IGSF1: variants seen among roughly 807,000 people sequenced by gnomAD.
IGSF1 encodes immunoglobulin superfamily member 1, also known as immunoglobulin-like domain-containing protein 1.
A neutral mutation model predicts 95.3 loss-of-function variants in IGSF1; 40 were observed. The ratio of observed to expected loss-of-function variants is 0.42; its 90% CI spans 0.33 to 0.55. IGSF1 has a LOEUF of 0.55. Among genes scored for constraint, IGSF1 ranks in the 20% least tolerant of loss-of-function variants. IGSF1 has a pLI of 0.10. For missense variants in IGSF1, 906 were observed against 1,025.4 expected, an observed-to-expected ratio of 0.88 and a Z score of 1.59; for synonymous variants, 372 against 382.9, an observed-to-expected ratio of 0.97 and a Z score of 0.33.
At position 131,279,255 on chromosome X, in the gene IGSF1, C is replaced by A. The variant is rs775263912; in HGVS notation, c.1717+16G>T. The A allele has an allele frequency of 9.1e-6, 11 of 1,208,463 alleles. No homozygotes were observed. Among genetic ancestry groups the A allele is most frequent in the South Asian group, 1.8e-5 (1 of 56,752 alleles). On this transcript the variant is annotated intron_variant, in intron 10 of 19. Coordinates refer to ENST00000361420, the MANE Select transcript of IGSF1 (RefSeq NM_001555.5). ...CCGGCCTTCTGCCCGGGGCCCCTTC[C>A]CCCACTTGTACTCACCACAGCAGAG...
In IGSF1 at chrX:131,282,987, C is replaced by T; in HGVS notation, c.945G>A (p.Trp315Ter). ...GSLLSDVLKIWVTDTFPKTWL... is the reference protein window; with the variant it reads ...GSLLSDVLKI ...GGCATACCCGTCTCTTACCAGTCAC[C>T]CAGATTTTCAGGACATCACTAAGGA... is the stretch of plus-strand genomic sequence containing the variant. Residue 315 changes from tryptophan to a stop codon, truncating the protein, a stop_gained, in exon 6 of 20, where the codon TGG becomes TGA. Coordinates refer to ENST00000361420, the MANE Select transcript of IGSF1 (RefSeq NM_001555.5). LOFTEE classifies it high-confidence loss of function. 8.3e-7 allele frequency: 1 copy of T among 1,201,420 alleles called. No homozygotes were observed. Among genetic ancestry groups the T allele is most frequent in the Non-Finnish European group, 1.1e-6 (1 of 886,398 alleles).
rs369980317 is a variant in IGSF1, at chrX:131,286,064, A to G, written c.98-16T>C. The stretch of plus-strand genomic sequence containing the variant: ...GGGTCCATCACTGTTATTCCCAAAG[A>G]TCAAAAAGATATGAGCAGTCCAACC... On this transcript the variant is annotated splice_polypyrimidine_tract_variant and intron_variant, in intron 3 of 19. Transcript: ENST00000361420. The G allele has an allele frequency of 4.3e-6, 5 of 1,172,672 alleles. No homozygotes were observed. The highest frequency in any genetic ancestry group is 3.6e-5 in the African/African-American group (2 of 56,030).
rs2080463620 is a variant in IGSF1, at chrX:131,275,575, A to G, written c.3087T>C (p.Ser1029=). The change falls in exon 16 of 20, where the codon TCT becomes TCC. Residue 1029 remains serine (S), a synonymous_variant. Transcript: ENST00000361420. ...AGCTGTAACGCCCCATGCTAGTACC[A>G]GATATATTGGTGATGGGGAATGCCC... ...NDGAFPITNI[S]GTSMGRYSCC... is the part of the protein sequence containing the mutation. 2 of 1,210,702 alleles carry G rather than the reference A, an allele frequency of 1.7e-6. No homozygotes were observed. Among genetic ancestry groups the G allele is most frequent in the South Asian group, 3.5e-5 (2 of 56,948 alleles).
In IGSF1 at chrX:131,286,442, G is replaced by A. The variant is rs369648621; in HGVS notation, c.92C>T (p.Ser31Leu). ...AGAGGGCAGGACTCACTTACCTATT[G>A]ATGTCATACCCAGACTCATCCCTGA... ...FCIRMSLGMT[S>L]IVMDPQPELW... is the part of the protein sequence containing the mutation. The change falls in exon 3 of 20, where the codon TCA (serine) becomes TTA (leucine). Residue 31 changes from serine to leucine, a missense_variant. Coordinates refer to ENST00000361420, the MANE Select transcript of IGSF1 (RefSeq NM_001555.5). The A allele has an allele frequency of 1.2e-5, 14 of 1,198,336 alleles. No homozygotes were observed. The highest frequency in any genetic ancestry group is 7.0e-5 in the African/African-American group (4 of 56,762).
intron 7 of IGSF1, 150 bp downstream of exon 7, chrX:131,282,294 C>T: frequency 2.1e-6 from 1 of 467,278 alleles, no homozygotes; most frequent in South Asian, 3.6e-5. Context: ...GAAAGTTCTA[C>T]ACCACCTTCC....
At chrX:131,280,958 C>A (rs2080549912) in intron 9 of IGSF1, 2 of 268,257 alleles carry the variant, frequency 7.5e-6, no homozygotes, top group South Asian at 1.9e-4. Flanking sequence ...GATTTGGGCA[C>A]CCTCCGGGGG....
Position 131,286,646 on chromosome X carries a change from G to A in IGSF1, c.29C>T (p.Ala10Val), listed in dbSNP as rs753072958. Reference sequence around the variant, plus strand: ...AACAGTGAATGTCTTCAGCATGGTGGCCCCCTCCCCTGGTCTGTCCAGGGT... The same window carrying A: ...AACAGTGAATGTCTTCAGCATGGTGACCCCCTCCCCTGGTCTGTCCAGGGT... MTLDRPGEG[A>V]TMLKTFTVLL... Residue 10 changes from alanine to valine, a missense_variant, in exon 2 of 20, where the codon GCC (alanine) becomes GTC (valine). By Grantham distance (64) the Ala-to-Val change is moderately conservative. Transcript: ENST00000361420. The A allele has an allele frequency of 1.7e-6, 2 of 1,201,442 alleles. No individual in the cohort carries two copies. Among genetic ancestry groups the A allele is most frequent in the South Asian group, 1.8e-5 (1 of 54,966 alleles).
chrX:131,280,009 C>A (rs1265602458), intron 9 of IGSF1, among the ~76,000 whole-genome samples: 1 of 111,937 alleles, frequency 8.9e-6, no homozygotes, highest in Non-Finnish European at 1.9e-5. Context: ...ATCCATCGGA[C>A]AATTTTTACT....
At chrX:131,274,511 A>G in intron 18 of IGSF1, 88 bp downstream of exon 18, 1 of 999,765 alleles carries the variant, frequency 1.0e-6, no homozygotes, top group Non-Finnish European at 1.4e-6. Context: ...AAGCTCCTCC[A>G]TTCTCCTGAT....
chrX:131,277,917 G>A lies in IGSF1; in HGVS notation c.2259C>T (p.His753=), dbSNP rs1187283784. 13 of 1,209,017 alleles carry A rather than the reference G, an allele frequency of 1.1e-5. No individual in the cohort carries two copies. The highest frequency in any genetic ancestry group is 2.6e-4 in the Middle Eastern group (1 of 3,857). ...ACCACTTGAAGGGGCGTTTTTCAGT[G>A]TGAGTGCGGCAGCTGTAATTGCCTT... ...KDEGNYSCRT[H]TEKRPFKWSE... Residue 753 remains histidine (H), a synonymous_variant, in exon 13 of 20, where the codon CAC becomes CAT. Coordinates refer to ENST00000361420, the MANE Select transcript of IGSF1 (RefSeq NM_001555.5).
At chrX:131,286,178 G>A in intron 3 of IGSF1, 130 bp from the exon 4 acceptor site, 2 of 613,147 alleles carry the variant, frequency 3.3e-6, no homozygotes, top group Middle Eastern at 5.4e-4. Context: ...GGACAGGAGT[G>A]TGCTCCTGTG....
At position 131,274,961 on chromosome X, in the gene IGSF1, C is replaced by T. The variant is rs190720568; in HGVS notation, c.3472+38G>A. ...CCTTATTGCTTACTGCTAAAAACTA[C>T]AAAATCGTGACTTGTACTGAAGTCT... On this transcript the variant is annotated intron_variant, in intron 17 of 19. Transcript: ENST00000361420. 2.3e-5 allele frequency: 28 copies of T among 1,202,026 alleles called. No homozygotes were observed. In the Admixed American group the frequency reaches 5.7e-4, roughly 25 times the overall value.
chrX:131,288,460 G>C (rs774392262), intron 1 of IGSF1, among the ~76,000 whole-genome samples: 98 of 110,453 alleles, frequency 8.9e-4, no homozygotes, highest in Non-Finnish European at 1.6e-3. Context: ...GGAGTTTTTG[G>C]GGGAAGCCAG....
Position 131,286,612 on chromosome X carries a change from A to G in IGSF1, c.63T>C (p.Phe21=), listed in dbSNP as rs760227945. 7 of 1,206,822 alleles carry G rather than the reference A, an allele frequency of 5.8e-6. No individual in the cohort carries two copies. The Admixed American group carries it at 1.1e-4, about 19-fold the overall frequency. Residue 21 remains phenylalanine, a synonymous_variant, in exon 2 of 20, where the codon TTT becomes TTC. Transcript: ENST00000361420. The part of the protein sequence containing the change: ...TMLKTFTVLL[F]CIRMSLGMTS... ...CCCCTTCCTTGTACTCACGAATGCA[A>G]AAGAGCAAAACAGTGAATGTCTTCA...
intron 8 of IGSF1, 143 bp downstream of exon 8, chrX:131,281,523 G>A: frequency 1.1e-6 from 1 of 877,034 alleles, no homozygotes; most frequent in South Asian, 2.5e-5. Flanking sequence ...TTGAGGAATT[G>A]TGAGACCACC....
At chrX:131,279,035 C>G in intron 11 of IGSF1, 108 bp downstream of exon 11, 1 of 872,046 alleles carries the variant, frequency 1.1e-6, no homozygotes, top group Non-Finnish European at 1.7e-6. Flanking sequence ...CCCTTCCTGG[C>G]TGCCCTTCCC....
At position 131,283,742 on chromosome X, in the gene IGSF1, C is replaced by A. The variant is rs753408502; in HGVS notation, c.668-478G>T. ...AAAGAGGGTTTGGCCAGTAAGTCTG[C>A]GACCCAAATAAATCTTTGTTATGGG... On this transcript the variant is annotated intron_variant, in intron 5 of 19. Transcript: ENST00000361420. 3.6e-5 allele frequency among the ~76,000 whole-genome samples: 4 copies of A among 112,364 alleles called. No homozygotes were observed. The South Asian group carries it at 1.5e-3, about 42-fold the overall frequency.
chrX:131,289,358 G>A, upstream of IGSF1: 1 of 365,118 alleles, frequency 2.7e-6, no homozygotes, highest in South Asian at 2.4e-5. Context: ...CCGCCTGCCG[G>A]CCCGCCCCAA....
At chrX:131,281,460 G>T in intron 8 of IGSF1, 122 bp from the exon 9 acceptor site, 1 of 947,616 alleles carries the variant, frequency 1.1e-6, no homozygotes, top group Non-Finnish European at 1.5e-6. Context: ...AGGCAGAAGT[G>T]GCCTTCTTTT....
Sources: allele counts gnomAD v4.1 joint callset (sites outside exome capture counted in the v4.1 genomes callset), GRCh38; gene constraint gnomAD v4.1.1; transcripts MANE v1.5; gene names NCBI Gene and HGNC (gene_info 2026-07-23, HGNC 2026-07-21).